The following ZFPM2 variants were observed in gnomAD, a reference collection of about 807,000 sequenced individuals.
ZFPM2 encodes the protein zinc finger protein, FOG family member 2, also known as zinc finger protein ZFPM2.
A neutral mutation model predicts 98.6 loss-of-function variants in ZFPM2; 20 were observed. The observed-to-expected ratio is 0.20, with a 90% CI of 0.14 to 0.29. The LOEUF is 0.29. Ranked by LOEUF, ZFPM2 falls within the 10% of genes least tolerant of loss-of-function variation. ZFPM2 has a pLI of 1.00. For missense variants in ZFPM2, 1,310 were observed against 1,388.6 expected (o/e 0.94, Z 0.90); for synonymous variants, 518 against 502.7 (o/e 1.03, Z -0.41).
At chr8:105,591,504 G>A (rs1396974890) in intron 4 of ZFPM2, among the ~76,000 whole-genome samples, 1 of 152,070 alleles carries the variant, frequency 6.6e-6, no homozygotes. Flanking sequence ...ATGCCTTTGA[G>A]TCTTTAATAC....
intron 5 of ZFPM2, among the ~76,000 whole-genome samples, chr8:105,737,046 C>G (rs907581075): frequency 6.6e-6 from 1 of 152,016 alleles, no homozygotes; most frequent in Non-Finnish European, 1.5e-5. Flanking sequence ...CATGATTTTG[C>G]ATATAATTTT....
intron 5 of ZFPM2, among the ~76,000 whole-genome samples, chr8:105,752,672 T>G (rs1388830247): frequency 2.0e-5 from 3 of 152,030 alleles, no homozygotes; most frequent in Non-Finnish European, 4.4e-5. Context: ...GAAATGAACT[T>G]AAGGAGTGAT....
chr8:105,740,912 C>T (rs1812200631), intron 5 of ZFPM2, among the ~76,000 whole-genome samples: 1 of 151,990 alleles, frequency 6.6e-6, no homozygotes, highest in African/African-American at 2.4e-5. Flanking sequence ...TGAGGGAAGA[C>T]CTTACTTGAG....
intron 1 of ZFPM2, among the ~76,000 whole-genome samples, chr8:105,410,589 T>G (rs1417360120): frequency 1.3e-5 from 2 of 151,968 alleles, no homozygotes; most frequent in African/African-American, 4.8e-5. Context: ...AGCTTAACTT[T>G]GTTATATAAA....
chr8:105,648,909 G>T (rs1310740583), intron 5 of ZFPM2, among the ~76,000 whole-genome samples: 1 of 152,122 alleles, frequency 6.6e-6, no homozygotes, highest in Non-Finnish European at 1.5e-5. Flanking sequence ...TCCCAATTCT[G>T]TGAAGACAGT....
intron 1 of ZFPM2, among the ~76,000 whole-genome samples, chr8:105,374,383 T>C (rs1280015659): frequency 6.6e-6 from 1 of 152,130 alleles, no homozygotes; most frequent in South Asian, 2.1e-4. Context: ...TTATGTTACT[T>C]AAGTATGAGT....
At chr8:105,601,815 CTT>C (rs1481857795) in intron 4 of ZFPM2, among the ~76,000 whole-genome samples, 1 of 152,052 alleles carries the variant, frequency 6.6e-6, no homozygotes. Flanking sequence ...ATTAAGAACT[CTT>C]TGCTGCAAGC....
chr8:105,372,651 C>G (rs1411871713), intron 1 of ZFPM2, among the ~76,000 whole-genome samples: 1 of 152,064 alleles, frequency 6.6e-6, no homozygotes, highest in African/African-American at 2.4e-5. Flanking sequence ...ATTTAAACAT[C>G]TCTATATTAG....
In ZFPM2 at chr8:105,434,065, A is replaced by G. The variant is rs561421042; in HGVS notation, c.200-10215A>G. On this transcript the variant is annotated intron_variant, in intron 2 of 7. Coordinates refer to ENST00000407775, the MANE Select transcript of ZFPM2 (RefSeq NM_012082.4). The stretch of plus-strand genomic sequence containing the variant: ...AATTGTATACTGAATATAACTACCC[A>G]GAAGATGGGAAAACTCTGCATTTTA... Among the ~76,000 whole-genome samples the G allele has an allele frequency of 2.0e-5, 3 of 152,344 alleles. No individual in the cohort carries two copies. The South Asian group carries it at 6.2e-4, about 32-fold the overall frequency.
intron 3 of ZFPM2, among the ~76,000 whole-genome samples, chr8:105,455,204 A>T (rs1812563724): frequency 6.6e-6 from 1 of 152,220 alleles, no homozygotes; most frequent in African/African-American, 2.4e-5. Context: ...TCCAGTTCCA[A>T]GCATTTCAGA....
intron 1 of ZFPM2, among the ~76,000 whole-genome samples, chr8:105,377,533 G>A (rs1213727557): frequency 2.0e-5 from 3 of 146,758 alleles, no homozygotes; most frequent in Non-Finnish European, 4.5e-5. Context: ...AGGCCGAGGT[G>A]GAAGGATCAC....
chr8:105,443,169 C>T (rs1397974140), intron 2 of ZFPM2, among the ~76,000 whole-genome samples: 2 of 151,634 alleles, frequency 1.3e-5, no homozygotes, highest in Admixed American at 6.6e-5. Flanking sequence ...ATTAGCCGGG[C>T]GTGGTGGCAG....
chr8:105,456,831 C>A (rs1394414678), intron 3 of ZFPM2, among the ~76,000 whole-genome samples: 1 of 152,072 alleles, frequency 6.6e-6, no homozygotes, highest in Non-Finnish European at 1.5e-5. Flanking sequence ...CACCACCATG[C>A]CTGGCTACTT....
At chr8:105,630,585 C>CTACTTG (rs1816738987) in intron 4 of ZFPM2, among the ~76,000 whole-genome samples, 1 of 152,006 alleles carries the variant, frequency 6.6e-6, no homozygotes. Context: ...AAATCCAATT[C>CTACTTG]TACTTGTACC....
At chr8:105,406,960 T>C (rs1484494388) in intron 1 of ZFPM2, among the ~76,000 whole-genome samples, 1 of 151,930 alleles carries the variant, frequency 6.6e-6, no homozygotes, top group Non-Finnish European at 1.5e-5. Context: ...TTGGCCTGAC[T>C]GCAAGATAGA....
At chr8:105,461,884 A>G (rs1042826757) in intron 3 of ZFPM2, among the ~76,000 whole-genome samples, 6 of 152,156 alleles carry the variant, frequency 3.9e-5, no homozygotes, top group Non-Finnish European at 8.8e-5. Context: ...TGGAATCAAA[A>G]TTAAGCAGCC....
At chr8:105,398,123 C>T (rs1333178421) in intron 1 of ZFPM2, among the ~76,000 whole-genome samples, 1 of 152,136 alleles carries the variant, frequency 6.6e-6, no homozygotes, top group Non-Finnish European at 1.5e-5. Flanking sequence ...CAAAGGAGCT[C>T]ATAAACTTTA....
chr8:105,460,846 T>C (rs62527179), intron 3 of ZFPM2, among the ~76,000 whole-genome samples: 14,497 of 152,038 alleles, frequency 0.095, 720 homozygotes, highest in South Asian at 0.15. Flanking sequence ...TTTAACTTAT[T>C]AAATGTAACA....
At chr8:105,500,882 A>C (rs779387638) in intron 3 of ZFPM2, among the ~76,000 whole-genome samples, 8 of 152,198 alleles carry the variant, frequency 5.3e-5, no homozygotes, top group Admixed American at 1.3e-4. Context: ...GTACCTTAAA[A>C]AGACCATAAA....
Sources: gnomAD v4.1 joint callset for allele counts (sites outside exome capture counted in the v4.1 genomes callset) on GRCh38, gnomAD v4.1.1 for gene constraint, MANE v1.5 for transcripts, NCBI Gene and HGNC (gene_info 2026-07-23, HGNC 2026-07-21) for gene names.